Variants in DHX36 observed in about 807,000 individuals in gnomAD.
DHX36 encodes the protein DEAH-box helicase 36, also known as ATP-dependent DNA/RNA helicase DHX36.
DHX36 carries 50 observed loss-of-function variants against 139.0 expected under a neutral mutation model. The observed-to-expected ratio is 0.36, with a 90% confidence interval of 0.29 to 0.46. DHX36 has a LOEUF of 0.46. Among genes scored for constraint, DHX36 ranks in the 20% least tolerant of loss-of-function variants. DHX36 has a pLI of 1.00. For synonymous variants in DHX36, 425 were observed against 401.9 expected (o/e 1.06, Z -0.69); for missense variants, 1,024 against 1,211.3 (o/e 0.85, Z 2.29).
At chr3:154,283,345 T>A in intron 19 of DHX36, 74 bp from the exon 20 acceptor site, 1 of 1,018,292 alleles carries the variant, frequency 9.8e-7, no homozygotes, top group Non-Finnish European at 1.5e-6. Context: ...CCTCTTTACT[T>A]TAGTAAAAGC....
intron 17 of DHX36, among the ~76,000 whole-genome samples, chr3:154,287,045 C>T (rs1711570603): frequency 1.3e-5 from 2 of 152,038 alleles, no homozygotes; most frequent in African/African-American, 2.4e-5. Context: ...GATACCAGCT[C>T]AGGAGAGAAA....
chr3:154,292,420 A>G (rs1711858442), intron 15 of DHX36, 131 bp downstream of exon 15: 2 of 1,256,798 alleles, frequency 1.6e-6, no homozygotes, highest in Non-Finnish European at 2.2e-6. Context: ...CTATTTAAAA[A>G]TGTTTTGCAA....
chr3:154,272,798 G>T lies in DHX36; in HGVS notation c.*3373C>A, dbSNP rs1043780494. ...TAAATAAATACAAACTCAGAGCTAA[G>T]AACAGAAGGAAATTTACCACTATTT... On this transcript the variant is annotated 3_prime_UTR_variant, in exon 25 of 25. Coordinates refer to ENST00000496811, the MANE Select transcript of DHX36 (RefSeq NM_020865.3). 4 of 151,920 alleles carry T rather than the reference G, an allele frequency of 2.6e-5. No individual in the cohort carries two copies. Among genetic ancestry groups the T allele is most frequent in the Admixed American group, 2.0e-4 (3 of 15,246 alleles). The allele number at this position is 151,920 out of a possible 1,614,324, so 9.4% of individuals were successfully genotyped here. A position where few individuals can be genotyped will look rare whatever the true frequency, so the allele number is the denominator to read the frequency against.
At chr3:154,291,134 CAAAAAAAAAA>C (rs71152798) in intron 15 of DHX36, among the ~76,000 whole-genome samples, 35 of 61,054 alleles carry the variant, frequency 5.7e-4, no homozygotes, top group Admixed American at 2.2e-3. Flanking sequence ...GACTCCGTCT[CAAAAAAAAAA>C]AAAAAAAAAA....
At chr3:154,320,687 C>T (rs1168604823) in intron 1 of DHX36, among the ~76,000 whole-genome samples, 2 of 152,234 alleles carry the variant, frequency 1.3e-5, no homozygotes, top group Admixed American at 6.5e-5. Context: ...ATCATTAACA[C>T]TGTACTCGTC....
intron 9 of DHX36, among the ~76,000 whole-genome samples, chr3:154,302,981 G>A (rs927256455): frequency 4.6e-5 from 7 of 152,200 alleles, no homozygotes; most frequent in African/African-American, 1.7e-4. Flanking sequence ...GGAGGCTGAG[G>A]TGGGAGAATC....
chr3:154,273,942 A>T lies in DHX36; in HGVS notation c.*2229T>A, dbSNP rs1719070590. 6.6e-6 allele frequency: 1 copy of T among 152,162 alleles called. No individual in the cohort carries two copies. The highest frequency in any genetic ancestry group is 1.5e-5 in the Non-Finnish European group (1 of 68,034). The allele number at this position is 152,162 out of a possible 1,614,324, so 9.4% of individuals were successfully genotyped here. On this transcript the variant is annotated 3_prime_UTR_variant, in exon 25 of 25. Transcript: ENST00000496811. ...ATAGGTTAAAACTCTTACATTGCAA[A>T]ATCAAGAGTATAATACTCAGTGATG...
Position 154,277,725 on chromosome 3 carries a change from A to G in DHX36, c.2568-7T>C. Reference sequence around the variant, plus strand: ...TTTTGTGTAAACTTTTACCCTTTAAAAAAAGTTAAAATGCAGTTTGTTAAA... The same window carrying G: ...TTTTGTGTAAACTTTTACCCTTTAAGAAAAGTTAAAATGCAGTTTGTTAAA... On this transcript the variant is annotated splice_region_variant and splice_polypyrimidine_tract_variant and intron_variant, in intron 22 of 24. Coordinates refer to ENST00000496811, the MANE Select transcript of DHX36 (RefSeq NM_020865.3). The G allele has an allele frequency of 6.3e-7, 1 of 1,591,674 alleles. No homozygotes were observed. Among genetic ancestry groups the G allele is most frequent in the South Asian group, 1.2e-5 (1 of 86,568 alleles).
chr3:154,286,776 C>T (rs1481647328), intron 17 of DHX36, among the ~76,000 whole-genome samples: 1 of 151,564 alleles, frequency 6.6e-6, no homozygotes, highest in Admixed American at 6.6e-5. Flanking sequence ...AACAAATCAC[C>T]AAGAAGGACC....
chr3:154,290,942 G>A (rs1006386455), intron 15 of DHX36, among the ~76,000 whole-genome samples: 1 of 150,562 alleles, frequency 6.6e-6, no homozygotes, highest in African/African-American at 2.4e-5. Flanking sequence ...AGACCATCCC[G>A]GCTAAAACGG....
intron 17 of DHX36, among the ~76,000 whole-genome samples, chr3:154,288,016 A>G (rs1370154271): frequency 2.6e-5 from 4 of 152,032 alleles, no homozygotes; most frequent in African/African-American, 7.2e-5. Flanking sequence ...GTTTGCAACC[A>G]TGGAAAACTG....
chr3:154,285,329 GA>G (rs1199396106), intron 17 of DHX36, among the ~76,000 whole-genome samples: 1 of 152,120 alleles, frequency 6.6e-6, no homozygotes, highest in Non-Finnish European at 1.5e-5. Context: ...TATACATCTG[GA>G]ATACATAATG....
rs914531582 is a variant in DHX36, at chr3:154,276,124, G to T, written c.*47C>A. 1.3e-6 allele frequency: 2 copies of T among 1,568,638 alleles called. No individual in the cohort carries two copies. The highest frequency in any genetic ancestry group is 3.9e-5 in the Admixed American group (2 of 51,420). On this transcript the variant is annotated 3_prime_UTR_variant, in exon 25 of 25. Coordinates refer to ENST00000496811, the MANE Select transcript of DHX36 (RefSeq NM_020865.3). ...ATCCAGCCAAAATTTAAACAATGAT[G>T]AAGAATGGCTGTCAAACTGGCTTTT...
At position 154,299,927 on chromosome 3, in the gene DHX36, T is replaced by TA. The variant is rs1559953037; in HGVS notation, c.1462-3dup. On this transcript the variant is annotated splice_polypyrimidine_tract_variant and splice_region_variant and intron_variant, in intron 11 of 24. Transcript: ENST00000496811. Reference sequence around the variant, plus strand: ...CAGAAAGACCAGTATCGCACCATCCTATATGAAGGGGAAATAACCATTACA... The same window carrying TA: ...CAGAAAGACCAGTATCGCACCATCCTAATATGAAGGGGAAATAACCATTACA... The TA allele has an allele frequency of 6.2e-7, 1 of 1,604,796 alleles. No individual in the cohort carries two copies. The highest frequency in any genetic ancestry group is 1.7e-5 in the Admixed American group (1 of 59,902).
At position 154,275,609 on chromosome 3, in the gene DHX36, A is replaced by G. The variant is rs1719123801; in HGVS notation, c.*562T>C. 1 of 152,654 alleles carries G rather than the reference A, an allele frequency of 6.6e-6. No homozygotes were observed. Among genetic ancestry groups the G allele is most frequent in the African/African-American group, 2.4e-5 (1 of 41,454 alleles). 9.5% of individuals were successfully genotyped at this position (152,654 alleles called of 1,614,324 possible). ...AAGGGCACGTGTTTTAAAAATAGTA[A>G]AAATATCAAATGAACCAAGCCATAG... On this transcript the variant is annotated 3_prime_UTR_variant, in exon 25 of 25. Coordinates refer to ENST00000496811, the MANE Select transcript of DHX36 (RefSeq NM_020865.3).
chr3:154,304,594 CAAG>C (rs1356959104), intron 8 of DHX36, among the ~76,000 whole-genome samples: 1 of 152,096 alleles, frequency 6.6e-6, no homozygotes, highest in Non-Finnish European at 1.5e-5. Flanking sequence ...GTGGTAGCAA[CAAG>C]AAGCTACCTG....
chr3:154,306,213 T>C lies in DHX36; in HGVS notation c.893+3A>G. The C allele has an allele frequency of 6.2e-7, 1 of 1,609,734 alleles. No homozygotes were observed. The highest frequency in any genetic ancestry group is 8.5e-7 in the Non-Finnish European group (1 of 1,176,474). Reference sequence around the variant, plus strand: ...CTGTATATAAGAAGTGAACATTTCTTACCTCTGGAGACGAATTTGATATCC... The same window carrying C: ...CTGTATATAAGAAGTGAACATTTCTCACCTCTGGAGACGAATTTGATATCC... On this transcript the variant is annotated splice_donor_region_variant and intron_variant, in intron 6 of 24. Transcript: ENST00000496811.
At chr3:154,294,577 C>T (rs1020027623) in intron 13 of DHX36, among the ~76,000 whole-genome samples, 1 of 152,116 alleles carries the variant, frequency 6.6e-6, no homozygotes, top group Non-Finnish European at 1.5e-5. Context: ...TTCTTTCTTG[C>T]CCCCTCTCTT....
At chr3:154,306,707 G>C (rs1712514490) in intron 5 of DHX36, among the ~76,000 whole-genome samples, 1 of 151,984 alleles carries the variant, frequency 6.6e-6, no homozygotes, top group Admixed American at 6.5e-5. Context: ...TCTAGTTCTT[G>C]GTCATGTTTT....
Sources: allele counts gnomAD v4.1 joint callset (sites outside exome capture counted in the v4.1 genomes callset), GRCh38; gene constraint gnomAD v4.1.1; transcripts MANE v1.5; gene names NCBI Gene and HGNC (gene_info 2026-07-23, HGNC 2026-07-21).